NUP62CL: variants seen among roughly 807,000 people sequenced by gnomAD.
NUP62CL encodes the protein nucleoporin-62 C-terminal-like protein.
In NUP62CL, 13 loss-of-function variants were observed where a neutral mutation model predicts 15.3. That is an observed-to-expected ratio of 0.85 (90% CI 0.55 to 1.35). The LOEUF (loss-of-function observed/expected upper bound fraction) is 1.35, where lower values mean the gene tolerates loss of function less well. Among genes scored for constraint, NUP62CL ranks in the 40% most tolerant of loss-of-function variants. The probability of loss-of-function intolerance (pLI) is 0.00; values close to 1 mark genes in which losing one functional copy is unlikely to be tolerated. For missense variants in NUP62CL, 123 were observed against 130.6 expected, an observed-to-expected ratio of 0.94 and a Z score of 0.28; for synonymous variants, 54 against 49.2, an observed-to-expected ratio of 1.10 and a Z score of -0.41.
chrX:107,157,857 C>T (rs1194043487), intron 4 of NUP62CL, among the ~76,000 whole-genome samples: 12 of 110,699 alleles, frequency 1.1e-4, no homozygotes, highest in Non-Finnish European at 2.3e-4. Flanking sequence ...AGTCAAGACC[C>T]ATCAGTGTGC....
intron 4 of NUP62CL, among the ~76,000 whole-genome samples, chrX:107,161,896 G>A (rs188127552): frequency 3.0e-5 from 3 of 99,270 alleles, no homozygotes; most frequent in East Asian, 6.3e-4. Flanking sequence ...AAAGGCAACA[G>A]ATGCCAACAC....
At chrX:107,149,485 T>C (rs1023423647) in intron 7 of NUP62CL, among the ~76,000 whole-genome samples, 2 of 112,065 alleles carry the variant, frequency 1.8e-5, no homozygotes, top group African/African-American at 6.5e-5. Context: ...CAGAATGGCA[T>C]AATTTTTATA....
chrX:107,179,712 G>A (rs982618362), intron 2 of NUP62CL, among the ~76,000 whole-genome samples: 28 of 111,831 alleles, frequency 2.5e-4, no homozygotes, highest in African/African-American at 9.1e-4. Context: ...TTATATACTG[G>A]TTTCTTTTCC....
At chrX:107,178,446 C>A (rs1259604899) in intron 2 of NUP62CL, among the ~76,000 whole-genome samples, 1 of 112,279 alleles carries the variant, frequency 8.9e-6, no homozygotes, top group Admixed American at 9.4e-5. Flanking sequence ...TACTTGAAAG[C>A]AAAGTTCATA....
intron 7 of NUP62CL, 42 bp downstream of exon 7, chrX:107,153,130 G>GT (rs748050029): frequency 4.5e-5 from 52 of 1,145,982 alleles, no homozygotes; most frequent in Non-Finnish European, 5.4e-5. Flanking sequence ...CTCAGAATAC[G>GT]TAAGTCCTGC....
chrX:107,139,634 C>T (rs1925719890), intron 8 of NUP62CL, among the ~76,000 whole-genome samples: 1 of 112,060 alleles, frequency 8.9e-6, no homozygotes, highest in Non-Finnish European at 1.9e-5. Flanking sequence ...TATGGCTGGC[C>T]ATCTTTTCAG....
chrX:107,180,197 T>C (rs965217709), intron 2 of NUP62CL, among the ~76,000 whole-genome samples: 13 of 112,058 alleles, frequency 1.2e-4, no homozygotes, highest in African/African-American at 4.2e-4. Flanking sequence ...AGATTCCAAA[T>C]GGGGGGATAA....
chrX:107,200,900 G>C (rs184358232), intron 1 of NUP62CL, among the ~76,000 whole-genome samples: 2 of 110,481 alleles, frequency 1.8e-5, no homozygotes, highest in African/African-American at 3.3e-5. Context: ...CAAAACTCTG[G>C]AAAAGTAGAG....
intron 8 of NUP62CL, among the ~76,000 whole-genome samples, chrX:107,131,031 G>T (rs1272259791): frequency 9.0e-6 from 1 of 111,240 alleles, no homozygotes; most frequent in East Asian, 2.8e-4. Context: ...AAACTAAAAA[G>T]TAACACTACA....
chrX:107,131,820 T>C, intron 8 of NUP62CL: 1 of 1,122,395 alleles, frequency 8.9e-7, no homozygotes, highest in Non-Finnish European at 1.2e-6. Flanking sequence ...GTGTCTTTGC[T>C]GGGGAGTATG....
chrX:107,192,426 C>G (rs923921695), intron 2 of NUP62CL, among the ~76,000 whole-genome samples: 3 of 112,100 alleles, frequency 2.7e-5, no homozygotes, highest in Non-Finnish European at 5.6e-5. Flanking sequence ...GTCACCCAGG[C>G]TGGAGTGCAG....
intron 3 of NUP62CL, among the ~76,000 whole-genome samples, chrX:107,172,475 T>G (rs1926676689): frequency 8.9e-6 from 1 of 112,020 alleles, no homozygotes; most frequent in African/African-American, 3.2e-5. Flanking sequence ...ACAAGACTTC[T>G]CCAAAATGGA....
intron 8 of NUP62CL, chrX:107,132,187 T>A (rs371468875): frequency 1.2e-5 from 14 of 1,131,401 alleles, no homozygotes; most frequent in Middle Eastern, 2.4e-4. Flanking sequence ...ACCAATGCAC[T>A]TGGAAATAGA....
chrX:107,201,300 A>C (rs1237095277), intron 1 of NUP62CL, among the ~76,000 whole-genome samples: 1 of 111,439 alleles, frequency 9.0e-6, no homozygotes, highest in African/African-American at 3.3e-5. Context: ...ATCTGTTGAC[A>C]AAACTTTTTC....
intron 7 of NUP62CL, 42 bp downstream of exon 7, chrX:107,153,130 G>A (rs369367995): frequency 7.0e-6 from 8 of 1,144,325 alleles, no homozygotes; most frequent in South Asian, 6.8e-5. Context: ...CTCAGAATAC[G>A]TAAGTCCTGC....
chrX:107,171,410 G>C (rs774915738), intron 3 of NUP62CL, among the ~76,000 whole-genome samples: 1 of 111,608 alleles, frequency 9.0e-6, no homozygotes, highest in South Asian at 3.8e-4. Context: ...CCTGAGGCTG[G>C]ATAGTTTATA....
intron 7 of NUP62CL, among the ~76,000 whole-genome samples, chrX:107,149,777 TAGAA>T (rs1228911044): frequency 1.8e-5 from 2 of 111,642 alleles, no homozygotes; most frequent in African/African-American, 3.3e-5. Flanking sequence ...GATTAACTGA[TAGAA>T]AGCACAATGG....
intron 8 of NUP62CL, among the ~76,000 whole-genome samples, chrX:107,140,055 A>G (rs926849913): frequency 1.8e-5 from 2 of 111,685 alleles, no homozygotes; most frequent in Non-Finnish European, 3.8e-5. Flanking sequence ...TGGTCTTGCC[A>G]CTGATATATT....
intron 2 of NUP62CL, among the ~76,000 whole-genome samples, chrX:107,189,816 A>AGG (rs1396579480): frequency 1.6e-4 from 11 of 67,469 alleles, no homozygotes; most frequent in African/African-American, 5.6e-4. Context: ...GAGAGAAAGA[A>AGG]AGAAAGAAGG....
Sources: gnomAD v4.1 joint callset for allele counts (sites outside exome capture counted in the v4.1 genomes callset) on GRCh38, gnomAD v4.1.1 for gene constraint, MANE v1.5 for transcripts, NCBI Gene and HGNC (gene_info 2026-07-23, HGNC 2026-07-21) for gene names.